The following KLHDC4 variants were observed in gnomAD, a reference collection of about 807,000 sequenced individuals.
The protein encoded by KLHDC4 is kelch domain-containing protein 4.
A neutral mutation model predicts 62.4 loss-of-function variants in KLHDC4; 90 were observed. The ratio of observed to expected loss-of-function variants is 1.44; its 90% CI spans 1.22 to 1.72. KLHDC4 has a LOEUF of 1.72. Ranked by LOEUF, KLHDC4 falls within the 40% of genes most tolerant of loss-of-function variation. The probability of loss-of-function intolerance (pLI) is 0.00; values close to 1 mark genes in which losing one functional copy is unlikely to be tolerated. For missense variants in KLHDC4, 1,025 were observed against 699.7 expected (o/e 1.47, Z -5.25); for synonymous variants, 386 against 284.4 (o/e 1.36, Z -3.59).
rs573803943 is a variant in KLHDC4 at position 87,740,319 on chromosome 16, G to A, written c.506+8354C>T. Among the ~76,000 whole-genome samples, 476 of 152,272 alleles carry A rather than the reference G, an allele frequency of 3.1e-3. 5 individuals carry two copies. Among genetic ancestry groups the A allele is most frequent in the African/African-American group, 0.011 (443 of 41,566 alleles). ...GCATCCCGAGGGGACCACCGGCTCC[G>A]CTCTGCTCCCTATCCCAGAGGCCCA... On this transcript the variant is annotated intron_variant, in intron 5 of 11. Coordinates refer to ENST00000270583, the MANE Select transcript of KLHDC4 (RefSeq NM_017566.4).
intron 7 of KLHDC4, among the ~76,000 whole-genome samples, chr16:87,723,504 C>T (rs999965026): frequency 2.0e-5 from 3 of 152,270 alleles, no homozygotes; most frequent in African/African-American, 7.2e-5. Flanking sequence ...AGCACTAGAC[C>T]GGGGCATCCT....
intron 7 of KLHDC4, among the ~76,000 whole-genome samples, chr16:87,724,752 G>A (rs1424111485): frequency 1.3e-5 from 2 of 152,112 alleles, no homozygotes; most frequent in Admixed American, 6.5e-5. Flanking sequence ...CCACTGCTTC[G>A]GGAAGAGAGC....
intron 2 of KLHDC4, 108 bp from the exon 3 acceptor site, chr16:87,756,585 A>G (rs1322098450): frequency 1.0e-5 from 8 of 765,892 alleles, no homozygotes; most frequent in African/African-American, 1.8e-5. Flanking sequence ...CTGCCTCTAC[A>G]CTTCCTGAAA....
At chr16:87,759,043 C>T (rs150162669) in intron 2 of KLHDC4, among the ~76,000 whole-genome samples, 4 of 152,110 alleles carry the variant, frequency 2.6e-5, no homozygotes, top group East Asian at 1.9e-4. Context: ...GGCATGGTGG[C>T]GCATGCCTGT....
exon 1 of KLHDC4, chr16:87,700,955 G>A (rs1240151963): frequency 8.5e-6 from 2 of 234,334 alleles, no homozygotes; most frequent in African/African-American, 2.4e-5. Flanking sequence ...CGCCCAGGCC[G>A]CGTGTCAGGT....
chr16:87,756,497 C>T lies in KLHDC4; in HGVS notation c.192-20G>A, dbSNP rs760580934. The T allele has an allele frequency of 1.2e-6, 2 of 1,601,870 alleles. No individual in the cohort carries two copies. Among genetic ancestry groups the T allele is most frequent in the Non-Finnish European group, 1.7e-6 (2 of 1,169,212 alleles). On this transcript the variant is annotated intron_variant, in intron 2 of 11. Transcript: ENST00000270583. ...TTTAACCTACAAGACACACAAGCGG[C>T]AGGTCAGCAAGATCACCCCCGATAC...
chr16:87,700,979 C>T (rs748939621), exon 1 of KLHDC4: 10 of 213,858 alleles, frequency 4.7e-5, no homozygotes, highest in Middle Eastern at 6.0e-4. Flanking sequence ...GCAGTCGGTA[C>T]GCAGAAACTG....
rs771267330 is a variant in KLHDC4 at position 87,701,883 on chromosome 16, G to A, written c.632C>T (p.Ser211Phe). The A allele has an allele frequency of 3.7e-5, 17 of 456,530 alleles. 1 individual carries two copies. Among genetic ancestry groups the A allele is most frequent in the South Asian group, 2.6e-4 (17 of 64,572 alleles). 28.3% of individuals were successfully genotyped at this position (456,530 alleles called of 1,614,324 possible). ...CCGAGGAAGCCTCTTCGAGCCCAGG[G>A]AGTGGAGGATGGGGCTCTGCTGTGC... Residue 211 changes from serine to phenylalanine, a missense_variant, in exon 1 of 1, where the codon TCC (serine) becomes TTC (phenylalanine). By Grantham distance (155) the Ser-to-Phe change is radical. Transcript: ENST00000446344.
downstream of KLHDC4, among the ~76,000 whole-genome samples, chr16:87,706,406 A>C (rs2034727581): frequency 1.7e-5 from 2 of 115,150 alleles, no homozygotes; most frequent in Admixed American, 9.2e-5. Flanking sequence ...TCGGCACAAC[A>C]CAACACAAGC....
At chr16:87,705,316 G>A (rs770341556), downstream of KLHDC4, among the ~76,000 whole-genome samples, 1 of 152,232 alleles carries the variant, frequency 6.6e-6, no homozygotes, top group African/African-American at 2.4e-5. Context: ...AGGCCCGTGG[G>A]GCAGGCAGAG....
chr16:87,734,736 C>T (rs1271045580), intron 5 of KLHDC4, among the ~76,000 whole-genome samples: 5 of 152,190 alleles, frequency 3.3e-5, no homozygotes, highest in Non-Finnish European at 5.9e-5. Flanking sequence ...TCTCAGCTCA[C>T]TAAGTTTCTT....
Position 87,765,983 on chromosome 16 carries a change from G to A in KLHDC4, c.-93C>T, listed in dbSNP as rs1009758673. 1.2e-5 allele frequency: 16 copies of A among 1,283,914 alleles called. No individual in the cohort carries two copies. The Admixed American group carries it at 2.6e-4, about 21-fold the overall frequency. The allele number at this position is 1,283,914 out of a possible 1,614,324, so 79.5% of individuals were successfully genotyped here. ...AGGTGCTCGTGGGGCGGAGCTCGGC[G>A]CACAGAAATGGAGTCACTTCCGGCC... On this transcript the variant is annotated 5_prime_UTR_variant, in exon 1 of 12. Coordinates refer to ENST00000270583, the MANE Select transcript of KLHDC4 (RefSeq NM_017566.4).
rs548144099 is a variant in KLHDC4, at chr16:87,730,803, C to T, written c.507-159G>A. On this transcript the variant is annotated intron_variant, in intron 5 of 11. Coordinates refer to ENST00000270583, the MANE Select transcript of KLHDC4 (RefSeq NM_017566.4). ...ACCATTTAATCTGATCTATCAACTA[C>T]CAAAACCATCCTGCTAAGAGCCCAG... The T allele has an allele frequency of 6.6e-4, 395 of 595,512 alleles. 1 individual carries two copies. Among genetic ancestry groups the T allele is most frequent in the African/African-American group, 6.4e-3 (340 of 53,060 alleles). The allele number at this position is 595,512 out of a possible 1,614,324, so 36.9% of individuals were successfully genotyped here.
intron 7 of KLHDC4, among the ~76,000 whole-genome samples, chr16:87,723,486 T>G (rs571171060): frequency 6.6e-6 from 1 of 152,272 alleles, no homozygotes; most frequent in Non-Finnish European, 1.5e-5. Context: ...ACACATCTGC[T>G]GGGAGAAAGC....
At chr16:87,712,653 C>G (rs2036133837) in intron 8 of KLHDC4, among the ~76,000 whole-genome samples, 1 of 152,252 alleles carries the variant, frequency 6.6e-6, no homozygotes, top group African/African-American at 2.4e-5. Context: ...TGCAGTAAGG[C>G]AGGGCCCTGG....
At chr16:87,746,631 G>C (rs1310020807) in intron 5 of KLHDC4, among the ~76,000 whole-genome samples, 1 of 152,166 alleles carries the variant, frequency 6.6e-6, no homozygotes, top group Admixed American at 6.5e-5. Flanking sequence ...GGTTACTTAG[G>C]CCAAGGAGAA....
chr16:87,704,220 C>T (rs955791536), downstream of KLHDC4, among the ~76,000 whole-genome samples: 6 of 152,330 alleles, frequency 3.9e-5, no homozygotes, highest in East Asian at 5.8e-4. Context: ...CTGAACGACA[C>T]GTGGAAGGAG....
intron 6 of KLHDC4, among the ~76,000 whole-genome samples, chr16:87,728,024 A>C (rs940742929): frequency 1.3e-5 from 2 of 152,164 alleles, no homozygotes; most frequent in Admixed American, 1.3e-4. Context: ...TGTCTCTACT[A>C]AAAACACAAA....
At chr16:87,762,309 T>A (rs1182463595) in intron 1 of KLHDC4, among the ~76,000 whole-genome samples, 1 of 152,208 alleles carries the variant, frequency 6.6e-6, no homozygotes, top group Non-Finnish European at 1.5e-5. Context: ...ACCTTCCACT[T>A]AGACAAGCCC....
Sources: allele counts gnomAD v4.1 joint callset (sites outside exome capture counted in the v4.1 genomes callset), GRCh38; gene constraint gnomAD v4.1.1; transcripts MANE v1.5; gene names NCBI Gene and HGNC (gene_info 2026-07-23, HGNC 2026-07-21).